ACSL4: variants seen among roughly 807,000 people sequenced by gnomAD.
ACSL4 encodes long-chain-fatty-acid--CoA ligase 4.
In ACSL4, 9 loss-of-function variants were observed where a neutral mutation model predicts 49.1. That is an observed-to-expected ratio of 0.18 (90% confidence interval 0.11 to 0.32). ACSL4 has a LOEUF of 0.32. Among genes scored for constraint, ACSL4 ranks in the 10% least tolerant of loss-of-function variants. The pLI, the probability that ACSL4 is intolerant of heterozygous loss-of-function variation, is 1.00. For synonymous variants in ACSL4, 191 were observed against 170.3 expected (o/e 1.12, Z -0.95); for missense variants, 333 against 493.7 (o/e 0.67, Z 3.08).
intron 1 of ACSL4, among the ~76,000 whole-genome samples, chrX:109,724,039 T>G (rs1191205192): frequency 8.9e-6 from 1 of 112,252 alleles, no homozygotes; most frequent in Non-Finnish European, 1.9e-5. Context: ...TACCTTTCTC[T>G]TATTGATCTT....
chrX:109,649,218 G>C (rs747538694), intron 15 of ACSL4, among the ~76,000 whole-genome samples: 42 of 111,650 alleles, frequency 3.8e-4, no homozygotes, highest in African/African-American at 1.3e-3. Flanking sequence ...GCATCGCCAA[G>C]TCAATCCTAA....
chrX:109,697,247 G>A (rs1028022957), intron 1 of ACSL4, among the ~76,000 whole-genome samples: 2 of 111,756 alleles, frequency 1.8e-5, no homozygotes, highest in Non-Finnish European at 3.8e-5. Context: ...GGCCCCCTGG[G>A]CATGATGCTA....
intron 2 of ACSL4, among the ~76,000 whole-genome samples, chrX:109,687,163 A>G (rs1193623970): frequency 4.5e-5 from 5 of 112,123 alleles, no homozygotes; most frequent in Admixed American, 9.4e-5. Context: ...AGTTTTGCCT[A>G]TCATCTTAAA....
chrX:109,709,149 A>C (rs902475164), intron 1 of ACSL4, among the ~76,000 whole-genome samples: 1 of 111,882 alleles, frequency 8.9e-6, no homozygotes, highest in Non-Finnish European at 1.9e-5. Flanking sequence ...TCAGTCCCCT[A>C]CAGGAAATTA....
chrX:109,655,869 A>T (rs1370735281), intron 15 of ACSL4, among the ~76,000 whole-genome samples: 1 of 111,822 alleles, frequency 8.9e-6, no homozygotes, highest in East Asian at 2.8e-4. Context: ...TTCAGGAAAA[A>T]TGATTTAGAA....
At chrX:109,722,527 CA>C (rs1304525963) in intron 1 of ACSL4, among the ~76,000 whole-genome samples, 1 of 111,269 alleles carries the variant, frequency 9.0e-6, no homozygotes, top group Non-Finnish European at 1.9e-5. Flanking sequence ...AAACTCCACC[CA>C]AAAAAAGCTT....
chrX:109,683,651 C>T (rs906013609), intron 2 of ACSL4: 104 of 434,227 alleles, frequency 2.4e-4, no homozygotes, highest in African/African-American at 1.9e-3. Context: ...CTTTGGAAGC[C>T]GACAATAAAG....
At chrX:109,727,175 T>A (rs747553856) in intron 1 of ACSL4, among the ~76,000 whole-genome samples, 8 of 112,150 alleles carry the variant, frequency 7.1e-5, no homozygotes, top group Non-Finnish European at 1.5e-4. Flanking sequence ...CTGTCTTTAC[T>A]CAATTTCCAT....
At chrX:109,701,811 TG>T (rs1335951390) in intron 1 of ACSL4, among the ~76,000 whole-genome samples, 17 of 100,580 alleles carry the variant, frequency 1.7e-4, no homozygotes, top group Non-Finnish European at 3.0e-4. Flanking sequence ...CCCAAAGTGC[TG>T]GGATTACAGG....
At chrX:109,650,702 G>C (rs1349196244) in intron 15 of ACSL4, among the ~76,000 whole-genome samples, 1 of 111,591 alleles carries the variant, frequency 9.0e-6, no homozygotes, top group Non-Finnish European at 1.9e-5. Flanking sequence ...ATACACAAAA[G>C]AGAAGTCCCT....
intron 8 of ACSL4, among the ~76,000 whole-genome samples, chrX:109,675,907 T>C (rs921551538): frequency 6.2e-5 from 7 of 112,279 alleles, no homozygotes; most frequent in African/African-American, 1.9e-4. Context: ...CCATTACTAT[T>C]CTAGCAGATT....
chrX:109,668,007 G>T, intron 11 of ACSL4, 94 bp downstream of exon 11: 2 of 617,449 alleles, frequency 3.2e-6, no homozygotes, highest in Admixed American at 2.5e-5. Flanking sequence ...TAGTTAAGAG[G>T]TATTTTAAAG....
intron 9 of ACSL4, among the ~76,000 whole-genome samples, chrX:109,670,534 G>A (rs1400022711): frequency 1.9e-5 from 2 of 103,567 alleles, no homozygotes; most frequent in East Asian, 3.1e-4. Context: ...GCAGTGAGCC[G>A]ACATCACACC....
intron 9 of ACSL4, among the ~76,000 whole-genome samples, chrX:109,669,481 C>T (rs887992033): frequency 1.3e-4 from 14 of 109,221 alleles, no homozygotes; most frequent in Non-Finnish European, 2.5e-4. Flanking sequence ...GCAAGCTCCA[C>T]CTCCTGGGTT....
At chrX:109,656,232 T>C (rs1258679672) in intron 15 of ACSL4, among the ~76,000 whole-genome samples, 3 of 110,580 alleles carry the variant, frequency 2.7e-5, no homozygotes, top group Non-Finnish European at 5.7e-5. Flanking sequence ...TTAGGGAGAA[T>C]TTTTACAATT....
intron 15 of ACSL4, among the ~76,000 whole-genome samples, chrX:109,645,117 G>A (rs1224924002): frequency 8.8e-6 from 1 of 113,208 alleles, no homozygotes; most frequent in Non-Finnish European, 1.9e-5. Flanking sequence ...CATTGCCCAG[G>A]CTTGCTTAGG....
intron 15 of ACSL4, among the ~76,000 whole-genome samples, chrX:109,645,922 A>C (rs764192413): frequency 8.9e-6 from 1 of 112,229 alleles, no homozygotes; most frequent in Non-Finnish European, 1.9e-5. Flanking sequence ...AAGGCTATCA[A>C]TGATGGAAGA....
intron 1 of ACSL4, among the ~76,000 whole-genome samples, chrX:109,705,879 T>C (rs763074736): frequency 2.1e-4 from 24 of 112,384 alleles, no homozygotes; most frequent in Admixed American, 1.8e-3. Context: ...GTATTTTTAG[T>C]AGAGACGGGG....
intron 4 of ACSL4, among the ~76,000 whole-genome samples, chrX:109,682,252 C>T (rs1160973593): frequency 2.7e-5 from 3 of 111,598 alleles, no homozygotes; most frequent in African/African-American, 9.8e-5. Context: ...TAGAAATATA[C>T]TCAATTTTAC....
Sources: gnomAD v4.1 joint callset for allele counts (sites outside exome capture counted in the v4.1 genomes callset) on GRCh38, gnomAD v4.1.1 for gene constraint, MANE v1.5 for transcripts, NCBI Gene and HGNC (gene_info 2026-07-23, HGNC 2026-07-21) for gene names.